The following INPP4B variants were observed in gnomAD, a reference collection of about 807,000 sequenced individuals.
INPP4B encodes the protein inositol polyphosphate 4-phosphatase type II.
A neutral mutation model predicts 122.5 loss-of-function variants in INPP4B; 55 were observed. That is an observed-to-expected ratio of 0.45 (90% CI 0.36 to 0.56). The LOEUF (loss-of-function observed/expected upper bound fraction) is 0.56, where lower values mean the gene tolerates loss of function less well. Among genes scored for constraint, INPP4B ranks in the 20% least tolerant of loss-of-function variants. The pLI, the probability that INPP4B is intolerant of heterozygous loss-of-function variation, is 0.00. For synonymous variants in INPP4B, 403 were observed against 388.7 expected (o/e 1.04, Z -0.43); for missense variants, 1,000 against 1,097.7 (o/e 0.91, Z 1.26).
At chr4:142,036,910 C>A (rs1347194818) in intron 25 of INPP4B, among the ~76,000 whole-genome samples, 1 of 152,206 alleles carries the variant, frequency 6.6e-6, no homozygotes, top group African/African-American at 2.4e-5. Flanking sequence ...ATGGTCATTT[C>A]TTCATGGCCA....
At chr4:142,054,209 G>T (rs1319762836) in intron 25 of INPP4B, among the ~76,000 whole-genome samples, 1 of 151,304 alleles carries the variant, frequency 6.6e-6, no homozygotes, top group Non-Finnish European at 1.5e-5. Flanking sequence ...AAACCTGGCT[G>T]GCTGCCCCAC....
At chr4:142,136,256 A>G (rs934231625) in intron 18 of INPP4B, among the ~76,000 whole-genome samples, 1 of 152,196 alleles carries the variant, frequency 6.6e-6, no homozygotes, top group African/African-American at 2.4e-5. Flanking sequence ...TGGCGTGAAG[A>G]TGGAAGGTCG....
intron 7 of INPP4B, among the ~76,000 whole-genome samples, chr4:142,332,997 C>A (rs1242790426): frequency 8.4e-6 from 1 of 118,790 alleles, no homozygotes; most frequent in African/African-American, 3.4e-5. Flanking sequence ...GGCGACAGAG[C>A]AAGACTCCGT....
At chr4:142,659,428 GGA>G (rs1004259095) in intron 2 of INPP4B, among the ~76,000 whole-genome samples, 5 of 151,568 alleles carry the variant, frequency 3.3e-5, no homozygotes, top group Non-Finnish European at 7.4e-5. Flanking sequence ...AAAGAGGACT[GGA>G]GAGAGAGAAA....
At chr4:142,268,424 A>C (rs1744089937) in intron 10 of INPP4B, among the ~76,000 whole-genome samples, 1 of 151,424 alleles carries the variant, frequency 6.6e-6, no homozygotes, top group Non-Finnish European at 1.5e-5. Context: ...ATGTAAATTA[A>C]TACAACCATT....
intron 1 of INPP4B, among the ~76,000 whole-genome samples, chr4:142,833,006 G>C (rs72935991): frequency 0.047 from 7,101 of 151,734 alleles, 570 homozygotes; most frequent in African/African-American, 0.16. Context: ...GATTGTTTGG[G>C]GAATATGTAA....
At chr4:142,839,249 G>A (rs1783180794) in intron 1 of INPP4B, among the ~76,000 whole-genome samples, 1 of 152,162 alleles carries the variant, frequency 6.6e-6, no homozygotes, top group African/African-American at 2.4e-5. Flanking sequence ...CCTGAGGTCA[G>A]GAGTTCGAGA....
intron 2 of INPP4B, among the ~76,000 whole-genome samples, chr4:142,483,643 G>A (rs1347773376): frequency 2.0e-5 from 3 of 152,006 alleles, no homozygotes; most frequent in Non-Finnish European, 4.4e-5. Context: ...ATTAGAGGAA[G>A]CTGGGAAGAT....
chr4:142,258,739 CTT>C (rs1036008982), intron 11 of INPP4B, among the ~76,000 whole-genome samples: 1 of 152,158 alleles, frequency 6.6e-6, no homozygotes, highest in African/African-American at 2.4e-5. Context: ...AATAGGAACA[CTT>C]TTACACTGTT....
chr4:142,084,781 C>G (rs376626115), intron 24 of INPP4B, among the ~76,000 whole-genome samples: 12 of 152,112 alleles, frequency 7.9e-5, no homozygotes, highest in Non-Finnish European at 1.3e-4. Flanking sequence ...CTAAAATACA[C>G]ATTTGTGTTT....
chr4:142,523,031 G>C (rs897765417), intron 2 of INPP4B, among the ~76,000 whole-genome samples: 3 of 152,054 alleles, frequency 2.0e-5, no homozygotes, highest in African/African-American at 7.2e-5. Flanking sequence ...AGGTAAACTG[G>C]AGCATCGCTT....
rs1011914103 is a variant in INPP4B, at chr4:142,027,643, C to A, written c.*1139G>T. The A allele has an allele frequency of 6.6e-6, 1 of 152,152 alleles. No homozygotes were observed. The highest frequency in any genetic ancestry group is 2.4e-5 in the African/African-American group (1 of 41,440). 9.4% of individuals were successfully genotyped at this position (152,152 alleles called of 1,614,324 possible). A position where few individuals can be genotyped will look rare whatever the true frequency, so the allele number is the denominator to read the frequency against. On this transcript the variant is annotated 3_prime_UTR_variant, in exon 26 of 26. Transcript: ENST00000262992. ...AGAAGAGATTGTAATTCAAATTCTG[C>A]AACTATCTCCTGAGTGATTGGGGGT...
At chr4:142,350,187 G>A in intron 7 of INPP4B, among the ~76,000 whole-genome samples, 1 of 151,956 alleles carries the variant, frequency 6.6e-6, no homozygotes, top group Non-Finnish European at 1.5e-5. Context: ...TTCTCTGAGT[G>A]TTCAGAGATG....
chr4:142,401,084 T>G (rs1801441686), intron 7 of INPP4B, among the ~76,000 whole-genome samples: 1 of 152,190 alleles, frequency 6.6e-6, no homozygotes, highest in Non-Finnish European at 1.5e-5. Flanking sequence ...ATCAGCGGCT[T>G]TGCAGAACGT....
intron 24 of INPP4B, 147 bp from the exon 25 acceptor site, chr4:142,082,332 A>C: frequency 1.0e-5 from 6 of 590,120 alleles, no homozygotes; most frequent in Non-Finnish European, 1.6e-5. Context: ...AATCGGTCTC[A>C]TCAAATGTAA....
In INPP4B at chr4:142,057,534, G is replaced by A. The variant is rs1298234402; in HGVS notation, c.2642+24497C>T. 2.0e-5 allele frequency among the ~76,000 whole-genome samples: 3 copies of A among 152,100 alleles called. No individual in the cohort carries two copies. In the East Asian group the frequency reaches 5.8e-4, roughly 30 times the overall value. ...TGGACTTGAAATTAAGAGGTCAGCT[G>A]GTATTGGTATGAACATTAACAAAGA... On this transcript the variant is annotated intron_variant, in intron 25 of 25. Coordinates refer to ENST00000262992, the MANE Select transcript of INPP4B (RefSeq NM_001101669.3).
intron 1 of INPP4B, among the ~76,000 whole-genome samples, chr4:142,761,061 C>T (rs1019132580): frequency 6.6e-6 from 1 of 152,086 alleles, no homozygotes; most frequent in African/African-American, 2.4e-5. Context: ...TGAACACATA[C>T]TCACACAGAA....
At chr4:142,623,394 T>C (rs1347236424) in intron 2 of INPP4B, among the ~76,000 whole-genome samples, 1 of 151,656 alleles carries the variant, frequency 6.6e-6, no homozygotes, top group East Asian at 1.9e-4. Flanking sequence ...ATGACTGGAG[T>C]TGACACACAA....
intron 7 of INPP4B, among the ~76,000 whole-genome samples, chr4:142,377,609 G>A (rs1460194107): frequency 1.3e-5 from 2 of 152,036 alleles, no homozygotes; most frequent in Admixed American, 6.6e-5. Context: ...CATCTGTAAT[G>A]TAGGCAGAAA....
Sources: allele counts gnomAD v4.1 joint callset (sites outside exome capture counted in the v4.1 genomes callset), GRCh38; gene constraint gnomAD v4.1.1; transcripts MANE v1.5; gene names NCBI Gene and HGNC (gene_info 2026-07-23, HGNC 2026-07-21).